Variants in CNTNAP5 observed in about 807,000 individuals in gnomAD.
CNTNAP5 encodes the protein contactin-associated protein-like 5.
In CNTNAP5, 72 loss-of-function variants were observed where a neutral mutation model predicts 150.2. The ratio of observed to expected loss-of-function variants is 0.48; its 90% CI spans 0.40 to 0.58. The LOEUF is 0.58. Ranked by LOEUF, CNTNAP5 falls within the 20% of genes least tolerant of loss-of-function variation. The pLI is 0.00. For synonymous variants in CNTNAP5, 672 were observed against 619.8 expected, an observed-to-expected ratio of 1.08 and a Z score of -1.25; for missense variants, 1,636 against 1,626.2, an observed-to-expected ratio of 1.01 and a Z score of -0.10.
chr2:124,034,079 A>C (rs1681139130), intron 1 of CNTNAP5, among the ~76,000 whole-genome samples: 1 of 152,154 alleles, frequency 6.6e-6, no homozygotes, highest in African/African-American at 2.4e-5. Flanking sequence ...CTCATATTAC[A>C]TGGCCAAAAG....
At chr2:124,415,622 T>C in intron 3 of CNTNAP5, among the ~76,000 whole-genome samples, 1 of 152,122 alleles carries the variant, frequency 6.6e-6, no homozygotes, top group Admixed American at 6.6e-5. Flanking sequence ...AGCAAGTAGG[T>C]TTTATCTATG....
chr2:124,477,908 G>A (rs1693679951), intron 7 of CNTNAP5, among the ~76,000 whole-genome samples: 1 of 152,030 alleles, frequency 6.6e-6, no homozygotes, highest in Admixed American at 6.6e-5. Context: ...GCTAAGATGT[G>A]GCAGAGCAAA....
At chr2:124,727,584 T>C (rs1002839325) in intron 13 of CNTNAP5, among the ~76,000 whole-genome samples, 6 of 152,050 alleles carry the variant, frequency 3.9e-5, no homozygotes, top group Non-Finnish European at 7.4e-5. Context: ...GTTGCTATTG[T>C]AATGAGATTG....
At chr2:124,834,388 C>CTT (rs5834088) in intron 19 of CNTNAP5, among the ~76,000 whole-genome samples, 131,655 of 152,060 alleles carry the variant, frequency 0.87, 57,480 homozygotes, top group African/African-American at 0.97. Context: ...ACCAGCTGTA[C>CTT]TCTCTGAAAA....
chr2:124,585,742 C>T (rs1696517285), intron 11 of CNTNAP5, among the ~76,000 whole-genome samples: 1 of 149,942 alleles, frequency 6.7e-6, no homozygotes, highest in East Asian at 2.0e-4. Flanking sequence ...TTCTGAGCCC[C>T]AACCTTACAA....
chr2:124,622,173 A>C (rs1263851369), intron 12 of CNTNAP5, among the ~76,000 whole-genome samples: 4 of 149,030 alleles, frequency 2.7e-5, no homozygotes, highest in Non-Finnish European at 5.9e-5. Flanking sequence ...CCATGTGTCC[A>C]TGTGTTCTCA....
intron 1 of CNTNAP5, among the ~76,000 whole-genome samples, chr2:124,205,074 G>A (rs1309494149): frequency 1.3e-5 from 2 of 152,162 alleles, no homozygotes; most frequent in Admixed American, 6.5e-5. Flanking sequence ...TGACAGTAGA[G>A]TACACCCAAT....
intron 1 of CNTNAP5, among the ~76,000 whole-genome samples, chr2:124,211,850 G>C (rs1417515840): frequency 6.6e-6 from 1 of 152,130 alleles, no homozygotes; most frequent in African/African-American, 2.4e-5. Flanking sequence ...GATGAAAAAG[G>C]TTTATGAATG....
chr2:124,420,638 A>C (rs2104780990), intron 4 of CNTNAP5, among the ~76,000 whole-genome samples: 1 of 152,304 alleles, frequency 6.6e-6, no homozygotes, highest in East Asian at 1.9e-4. Context: ...ATCCTAAGTA[A>C]TCTGAATGGA....
intron 3 of CNTNAP5, among the ~76,000 whole-genome samples, chr2:124,331,357 T>C (rs1053959510): frequency 6.6e-6 from 1 of 152,068 alleles, no homozygotes; most frequent in Non-Finnish European, 1.5e-5. Context: ...ATATCAGATA[T>C]TTAGGAAACT....
chr2:124,080,937 T>G (rs1220136368), intron 1 of CNTNAP5, among the ~76,000 whole-genome samples: 1 of 152,140 alleles, frequency 6.6e-6, no homozygotes, highest in African/African-American at 2.4e-5. Context: ...ATCCTTGACA[T>G]GTTTGTTAGA....
At chr2:124,029,049 G>A (rs959004294) in intron 1 of CNTNAP5, among the ~76,000 whole-genome samples, 1 of 152,074 alleles carries the variant, frequency 6.6e-6, no homozygotes, top group Non-Finnish European at 1.5e-5. Flanking sequence ...TTAATTTTGA[G>A]CAATACATCA....
chr2:124,192,975 G>A (rs1479289055), intron 1 of CNTNAP5, among the ~76,000 whole-genome samples: 2 of 152,134 alleles, frequency 1.3e-5, no homozygotes, highest in Non-Finnish European at 2.9e-5. Flanking sequence ...TCTGAGAGAG[G>A]ACCCTTCCTT....
intron 11 of CNTNAP5, among the ~76,000 whole-genome samples, chr2:124,606,524 GA>G (rs898749910): frequency 1.6e-4 from 24 of 149,040 alleles, no homozygotes; most frequent in African/African-American, 5.2e-4. Context: ...GATGAAAATT[GA>G]AAAAAAAAAT....
chr2:124,076,868 G>A (rs1348440215), intron 1 of CNTNAP5, among the ~76,000 whole-genome samples: 1 of 151,960 alleles, frequency 6.6e-6, no homozygotes, highest in Non-Finnish European at 1.5e-5. Flanking sequence ...TAATATAAAA[G>A]CAATCAGCCC....
chr2:124,281,907 G>A (rs1156446354), intron 3 of CNTNAP5, among the ~76,000 whole-genome samples: 1 of 152,076 alleles, frequency 6.6e-6, no homozygotes, highest in Non-Finnish European at 1.5e-5. Context: ...TCTCCCAGGA[G>A]CACATAATTT....
At chr2:124,151,386 A>G (rs1438756161) in intron 1 of CNTNAP5, among the ~76,000 whole-genome samples, 2 of 152,134 alleles carry the variant, frequency 1.3e-5, no homozygotes, top group East Asian at 3.9e-4. Context: ...ACGCTTCCTC[A>G]TGAGCTTGCT....
intron 14 of CNTNAP5, among the ~76,000 whole-genome samples, chr2:124,751,116 G>A (rs1680717780): frequency 6.6e-6 from 1 of 151,934 alleles, no homozygotes; most frequent in South Asian, 2.1e-4. Context: ...GGGTAGAAAT[G>A]AGCTGGGAAA....
intron 11 of CNTNAP5, among the ~76,000 whole-genome samples, chr2:124,568,416 G>A (rs1025391589): frequency 3.3e-5 from 5 of 152,060 alleles, no homozygotes; most frequent in Admixed American, 2.6e-4. Flanking sequence ...GAACTTGCCT[G>A]GCTCAAAAAA....
Sources: gnomAD v4.1 joint callset for allele counts (sites outside exome capture counted in the v4.1 genomes callset) on GRCh38, gnomAD v4.1.1 for gene constraint, MANE v1.5 for transcripts, NCBI Gene and HGNC (gene_info 2026-07-23, HGNC 2026-07-21) for gene names.